SLC10A7: variants seen among roughly 807,000 people sequenced by gnomAD.
SLC10A7 encodes sodium/bile acid cotransporter 7.
In SLC10A7, 29 loss-of-function variants were observed where a neutral mutation model predicts 43.2. The ratio of observed to expected loss-of-function variants is 0.67; its 90% CI spans 0.50 to 0.92. The LOEUF (loss-of-function observed/expected upper bound fraction) is 0.92, where lower values mean the gene tolerates loss of function less well. SLC10A7 is among the 40% of genes least tolerant of loss of function. The pLI, the probability that SLC10A7 is intolerant of heterozygous loss-of-function variation, is 0.00. For synonymous variants in SLC10A7, 152 were observed against 144.8 expected (o/e 1.05, Z -0.35); for missense variants, 295 against 403.2 (o/e 0.73, Z 2.30).
chr4:146,402,485 C>T (rs991359115), intron 5 of SLC10A7, among the ~76,000 whole-genome samples: 17 of 152,084 alleles, frequency 1.1e-4, no homozygotes, highest in African/African-American at 4.1e-4. Flanking sequence ...CAGCCCTGAC[C>T]GCCTCCTGGG....
At chr4:146,419,776 T>C (rs1469086388) in intron 5 of SLC10A7, among the ~76,000 whole-genome samples, 2 of 151,720 alleles carry the variant, frequency 1.3e-5, no homozygotes, top group African/African-American at 4.8e-5. Context: ...GCAGAGGTTA[T>C]AGTGAGCTGA....
chr4:146,350,788 G>A (rs2149743203), intron 5 of SLC10A7, among the ~76,000 whole-genome samples: 1 of 105,536 alleles, frequency 9.5e-6, no homozygotes, highest in East Asian at 2.6e-4. Context: ...ACCTCACACG[G>A]CAGGGTATTC....
intron 9 of SLC10A7, among the ~76,000 whole-genome samples, chr4:146,284,041 T>C (rs999790207): frequency 1.3e-5 from 2 of 152,158 alleles, no homozygotes; most frequent in African/African-American, 4.8e-5. Context: ...GTACTGGGAA[T>C]TGGATGTCAT....
chr4:146,300,087 A>G (rs183334175), intron 7 of SLC10A7, among the ~76,000 whole-genome samples: 24 of 152,306 alleles, frequency 1.6e-4, no homozygotes, highest in African/African-American at 5.5e-4. Flanking sequence ...GAGGGATTAT[A>G]ATGGTAGACT....
At chr4:146,506,498 G>A (rs1191540001) in intron 3 of SLC10A7, among the ~76,000 whole-genome samples, 1 of 152,136 alleles carries the variant, frequency 6.6e-6, no homozygotes, top group Non-Finnish European at 1.5e-5. Context: ...AAGAGTGCCT[G>A]CCTCCATGGC....
chr4:146,302,772 G>A (rs1001609567), intron 7 of SLC10A7, among the ~76,000 whole-genome samples: 1 of 152,088 alleles, frequency 6.6e-6, no homozygotes, highest in African/African-American at 2.4e-5. Flanking sequence ...TCAACACTGT[G>A]GGAGAAGTAT....
At chr4:146,451,318 A>G (rs1213559832) in intron 4 of SLC10A7, among the ~76,000 whole-genome samples, 2 of 151,588 alleles carry the variant, frequency 1.3e-5, no homozygotes, top group Admixed American at 1.3e-4. Context: ...ACTATTACCA[A>G]TTCTTCTCAA....
chr4:146,373,763 G>A (rs1456806732), intron 5 of SLC10A7, among the ~76,000 whole-genome samples: 3 of 152,138 alleles, frequency 2.0e-5, no homozygotes, highest in East Asian at 3.8e-4. Flanking sequence ...TCAGTCTGGA[G>A]TGGGGCCCAC....
At chr4:146,342,325 T>G (rs940200994) in intron 5 of SLC10A7, among the ~76,000 whole-genome samples, 3 of 151,800 alleles carry the variant, frequency 2.0e-5, no homozygotes, top group Non-Finnish European at 4.4e-5. Flanking sequence ...CTGAAATTTA[T>G]AAGAGCTGTT....
At chr4:146,430,247 G>T (rs1449756830) in intron 5 of SLC10A7, among the ~76,000 whole-genome samples, 1 of 152,060 alleles carries the variant, frequency 6.6e-6, no homozygotes. Context: ...CACACTCGGA[G>T]GATCCCTGAA....
intron 4 of SLC10A7, among the ~76,000 whole-genome samples, chr4:146,467,100 T>C (rs1733098173): frequency 6.6e-6 from 1 of 152,182 alleles, no homozygotes; most frequent in South Asian, 2.1e-4. Context: ...TTACTTGGCA[T>C]CTTCTTACTC....
At chr4:146,433,163 C>CT (rs760409464) in intron 5 of SLC10A7, among the ~76,000 whole-genome samples, 2,477 of 138,436 alleles carry the variant, frequency 0.018, 31 homozygotes, top group Middle Eastern at 0.031. Context: ...TATTCTCTAG[C>CT]TTTTTTTTTT....
At chr4:146,304,883 C>G (rs1305206616) in intron 7 of SLC10A7, among the ~76,000 whole-genome samples, 2 of 151,868 alleles carry the variant, frequency 1.3e-5, no homozygotes, top group African/African-American at 4.8e-5. Flanking sequence ...GTGTGGGAGT[C>G]TAAGTCTCTT....
rs551704929 is a variant in SLC10A7, at chr4:146,339,090, G to A, written c.436-13094C>T. Among the ~76,000 whole-genome samples, 12 of 151,998 alleles carry A rather than the reference G, an allele frequency of 7.9e-5. No individual in the cohort carries two copies. In the South Asian group the frequency reaches 2.5e-3, roughly 32 times the overall value. On this transcript the variant is annotated intron_variant, in intron 5 of 11. Transcript: ENST00000335472. ...TTTGGGGAAGGGGCTTCTTATGTAGGCTCCTGGATGTTAAAATAAACTTCT... is the reference window on the plus strand; with the variant it reads ...TTTGGGGAAGGGGCTTCTTATGTAGACTCCTGGATGTTAAAATAAACTTCT...
chr4:146,496,459 C>T (rs1295344777), intron 4 of SLC10A7, among the ~76,000 whole-genome samples: 1 of 152,104 alleles, frequency 6.6e-6, no homozygotes, highest in African/African-American at 2.4e-5. Flanking sequence ...AATTCCCCTC[C>T]CCCTAGGTGG....
At chr4:146,415,701 T>A (rs911566228) in intron 5 of SLC10A7, among the ~76,000 whole-genome samples, 3 of 152,236 alleles carry the variant, frequency 2.0e-5, no homozygotes, top group African/African-American at 7.2e-5. Context: ...TAGTATTTAA[T>A]GAATAGATTA....
At chr4:146,324,179 C>T (rs1209006714) in intron 6 of SLC10A7, among the ~76,000 whole-genome samples, 2 of 152,118 alleles carry the variant, frequency 1.3e-5, no homozygotes, top group Non-Finnish European at 2.9e-5. Context: ...AAAGAAGATA[C>T]AAACAAATGG....
At position 146,320,239 on chromosome 4, in the gene SLC10A7, G is replaced by A. The variant is rs141380031; in HGVS notation, c.471+5722C>T. 1.3e-3 allele frequency among the ~76,000 whole-genome samples: 200 copies of A among 152,230 alleles called. 1 individual carries two copies. Among genetic ancestry groups the A allele is most frequent in the African/African-American group, 4.5e-3 (185 of 41,552 alleles). On this transcript the variant is annotated intron_variant, in intron 6 of 11. Coordinates refer to ENST00000335472, the MANE Select transcript of SLC10A7 (RefSeq NM_001029998.6). ...CCAGCATGTTCAGGTACATATGCAG[G>A]AAGGTGAAGAGTTAAGAGTTCAGCA...
chr4:146,483,045 A>G (rs1015340282), intron 4 of SLC10A7, among the ~76,000 whole-genome samples: 2 of 152,220 alleles, frequency 1.3e-5, no homozygotes, highest in Non-Finnish European at 2.9e-5. Context: ...GCAAAAGCTG[A>G]GGGAATTCAT....
Sources: gnomAD v4.1 joint callset for allele counts (sites outside exome capture counted in the v4.1 genomes callset) on GRCh38, gnomAD v4.1.1 for gene constraint, MANE v1.5 for transcripts, NCBI Gene and HGNC (gene_info 2026-07-23, HGNC 2026-07-21) for gene names.